SRSF7: variants seen among roughly 807,000 people sequenced by gnomAD.
SRSF7 encodes serine and arginine rich splicing factor 7.
Under a neutral mutation model 42.2 loss-of-function variants are expected in SRSF7, and 15 were observed. The observed-to-expected ratio is 0.36, with a 90% CI of 0.24 to 0.55. The LOEUF (loss-of-function observed/expected upper bound fraction) is 0.55, where lower values mean the gene tolerates loss of function less well. Ranked by LOEUF, SRSF7 falls within the 20% of genes least tolerant of loss-of-function variation. The pLI is 0.88. For missense variants in SRSF7, 181 were observed against 305.9 expected, an observed-to-expected ratio of 0.59 and a Z score of 3.04; for synonymous variants, 138 against 107.9, an observed-to-expected ratio of 1.28 and a Z score of -1.73.
At chr2:38,745,486 TCTAC>T (rs1196132508) in intron 7 of SRSF7, among the ~76,000 whole-genome samples, 1 of 152,060 alleles carries the variant, frequency 6.6e-6, no homozygotes, top group African/African-American at 2.4e-5. Flanking sequence ...AAACTCCGTC[TCTAC>T]TAGAAATACA....
chr2:38,751,351 G>C lies in SRSF7; in HGVS notation c.-95C>G. On this transcript the variant is annotated 5_prime_UTR_variant, in exon 1 of 8. Coordinates refer to ENST00000313117, the MANE Select transcript of SRSF7 (RefSeq NM_001031684.3). ...CACACCTTCACCCGCCAAGAGTCCC[G>C]GCGGCACTACGAGGAAGAGCCCGGG... The C allele has an allele frequency of 6.4e-7, 1 of 1,569,904 alleles. No homozygotes were observed. Among genetic ancestry groups the C allele is most frequent in the African/African-American group, 1.3e-5 (1 of 74,170 alleles).
At chr2:38,748,330 C>G (rs1572565826) in intron 4 of SRSF7, among the ~76,000 whole-genome samples, 173 bp from the exon 5 acceptor site, 1 of 151,874 alleles carries the variant, frequency 6.6e-6, no homozygotes, top group African/African-American at 2.4e-5. Context: ...ACCATTTCTA[C>G]AAAAATAAAA....
chr2:38,749,761 G>A lies in SRSF7; in HGVS notation c.210-56C>T, dbSNP rs575269019. The A allele has an allele frequency of 2.1e-6, 3 of 1,451,332 alleles. No individual in the cohort carries two copies. The African/African-American group carries it at 4.3e-5, about 21-fold the overall frequency. The allele number at this position is 1,451,332 out of a possible 1,614,324, so 89.9% of individuals were successfully genotyped here. ...GTTAAAAATATATTCAGGACTTATA[G>A]ATTTAAAAAGAACTCTTTCCAACCA... On this transcript the variant is annotated intron_variant, in intron 2 of 7. Transcript: ENST00000313117.
chr2:38,744,989 C>G lies in SRSF7; in HGVS notation c.*144G>C. 1 of 753,760 alleles carries G rather than the reference C, an allele frequency of 1.3e-6. No individual in the cohort carries two copies. The highest frequency in any genetic ancestry group is 2.1e-6 in the Non-Finnish European group (1 of 475,910). The allele number at this position is 753,760 out of a possible 1,614,324, so 46.7% of individuals were successfully genotyped here. A position where few individuals can be genotyped will look rare whatever the true frequency, so the allele number is the denominator to read the frequency against. On this transcript the variant is annotated 3_prime_UTR_variant, in exon 8 of 8. Coordinates refer to ENST00000313117, the MANE Select transcript of SRSF7 (RefSeq NM_001031684.3). ...ATTCAACAAAATTTATATTATCTTA[C>G]TGCTGTGAATTTACATAGTAATCCA...
At chr2:38,750,287 A>G in intron 1 of SRSF7, 93 bp from the exon 2 acceptor site, 2 of 1,222,760 alleles carry the variant, frequency 1.6e-6, no homozygotes, top group Non-Finnish European at 2.3e-6. Context: ...CATCCTCAAG[A>G]TTGGGTAAAG....
At chr2:38,748,708 A>G in intron 3 of SRSF7, 55 bp from the exon 4 acceptor site, 2 of 1,537,874 alleles carry the variant, frequency 1.3e-6, no homozygotes, top group Non-Finnish European at 1.8e-6. Context: ...CGTTTTTAAG[A>G]GTTTGTGTGC....
chr2:38,748,698 C>T lies in SRSF7; in HGVS notation c.387-45G>A. 5.7e-6 allele frequency: 9 copies of T among 1,581,474 alleles called. No homozygotes were observed. The East Asian group carries it at 1.3e-4, about 24-fold the overall frequency. Reference sequence around the variant, plus strand: ...AAAAACAAAATGTCAGACAATAACTCGTTTTTAAGAGTTTGTGTGCCTCTG... The same window carrying T: ...AAAAACAAAATGTCAGACAATAACTTGTTTTTAAGAGTTTGTGTGCCTCTG... On this transcript the variant is annotated intron_variant, in intron 3 of 7. Coordinates refer to ENST00000313117, the MANE Select transcript of SRSF7 (RefSeq NM_001031684.3).
chr2:38,746,773 A>G, intron 5 of SRSF7, 26 bp from the exon 6 acceptor site: 1 of 1,612,972 alleles, frequency 6.2e-7, no homozygotes, highest in Non-Finnish European at 8.5e-7. Context: ...GAAAAACACA[A>G]TTATATCAAT....
chr2:38,748,743 CTA>C, intron 3 of SRSF7, 90 bp from the exon 4 acceptor site: 2 of 1,402,032 alleles, frequency 1.4e-6, no homozygotes, highest in East Asian at 2.3e-5. Context: ...AATCTCAAAA[CTA>C]TTTAAATTTA....
chr2:38,747,895 G>A (rs1426792397), intron 5 of SRSF7, 152 bp downstream of exon 5: 5 of 545,034 alleles, frequency 9.2e-6, no homozygotes, highest in East Asian at 3.0e-5. Flanking sequence ...GTAAAACTAG[G>A]TTAATATTTA....
upstream of SRSF7, chr2:38,751,444 G>A (rs1442890670): frequency 5.5e-6 from 4 of 729,724 alleles, no homozygotes; most frequent in East Asian, 5.6e-5. Context: ...GCGGCACAAA[G>A]GAGCTGGGCG....
chr2:38,747,805 T>A (rs1365314313), intron 5 of SRSF7, among the ~76,000 whole-genome samples: 2 of 152,184 alleles, frequency 1.3e-5, no homozygotes, highest in Non-Finnish European at 2.9e-5. Flanking sequence ...GAGTGTTGAG[T>A]AGAACTGTAT....
Position 38,743,776 on chromosome 2 carries a change from T to C in SRSF7, c.*1357A>G. On this transcript the variant is annotated 3_prime_UTR_variant, in exon 8 of 8. Transcript: ENST00000313117. Reference sequence around the variant, plus strand: ...AAAACAATCCAAATAACTTCCAACATACTAGCGGTCAAACTACCGAATAAA... The same window carrying C: ...AAAACAATCCAAATAACTTCCAACACACTAGCGGTCAAACTACCGAATAAA... 3 of 152,618 alleles carry C rather than the reference T, an allele frequency of 2.0e-5. No individual in the cohort carries two copies. Among genetic ancestry groups the C allele is most frequent in the African/African-American group, 7.2e-5 (3 of 41,446 alleles). The allele number at this position is 152,618 out of a possible 1,614,324, so 9.5% of individuals were successfully genotyped here.
At chr2:38,750,883 C>A (rs1273558440) in intron 1 of SRSF7, 2 of 322,738 alleles carry the variant, frequency 6.2e-6, no homozygotes, top group East Asian at 7.0e-5. Context: ...TGCGCCACCA[C>A]GGTCCTCAAT....
intron 3 of SRSF7, 75 bp downstream of exon 3, chr2:38,749,454 C>A: frequency 6.5e-7 from 1 of 1,548,772 alleles, no homozygotes; most frequent in Non-Finnish European, 8.7e-7. Context: ...TAGAAAAACA[C>A]TAGTTTCTGC....
At position 38,748,028 on chromosome 2, in the gene SRSF7, G is replaced by GA. The variant is rs757348862; in HGVS notation, c.572+18dup. ...TGTGAACAATCCAAACACAAGTAAG[G>GA]AAAAAAAGTGTTACATACTGGAAAT... is the stretch of plus-strand genomic sequence containing the variant. On this transcript the variant is annotated intron_variant, in intron 5 of 7. Coordinates refer to ENST00000313117, the MANE Select transcript of SRSF7 (RefSeq NM_001031684.3). The GA allele has an allele frequency of 2.5e-6, 4 of 1,578,200 alleles. No individual in the cohort carries two copies. The East Asian group carries it at 6.7e-5, about 27-fold the overall frequency.
chr2:38,749,368 G>C, intron 3 of SRSF7, 161 bp downstream of exon 3: 1 of 1,534,050 alleles, frequency 6.5e-7, no homozygotes, highest in Non-Finnish European at 8.8e-7. Flanking sequence ...TGACCAGGTT[G>C]ATTATTAATA....
In SRSF7 at chr2:38,749,997, C is replaced by G. The variant is rs1256655305; in HGVS notation, c.209+17G>C. On this transcript the variant is annotated intron_variant, in intron 2 of 7. Coordinates refer to ENST00000313117, the MANE Select transcript of SRSF7 (RefSeq NM_001031684.3). Reference sequence around the variant, plus strand: ...AGTATATTTTAATGAACAGAAGATTCATAACATCTTACTTACTTTCCATCC... The same window carrying G: ...AGTATATTTTAATGAACAGAAGATTGATAACATCTTACTTACTTTCCATCC... 3 of 1,594,854 alleles carry G rather than the reference C, an allele frequency of 1.9e-6. No homozygotes were observed. The highest frequency in any genetic ancestry group is 2.3e-5 in the South Asian group (2 of 88,038).
chr2:38,745,686 T>C (rs1667277179), intron 7 of SRSF7, among the ~76,000 whole-genome samples: 1 of 152,136 alleles, frequency 6.6e-6, no homozygotes, highest in Admixed American at 6.6e-5. Flanking sequence ...CTATCCTCCT[T>C]GTCAAAATTG....
Sources: gnomAD v4.1 joint callset for allele counts (sites outside exome capture counted in the v4.1 genomes callset) on GRCh38, gnomAD v4.1.1 for gene constraint, MANE v1.5 for transcripts, NCBI Gene and HGNC (gene_info 2026-07-23, HGNC 2026-07-21) for gene names.